Variants in CACNA2D1 observed in about 807,000 individuals in gnomAD.
CACNA2D1 encodes the protein calcium voltage-gated channel auxiliary subunit alpha2delta 1, also known as voltage-dependent calcium channel subunit alpha-2/delta-1.
A neutral mutation model predicts 171.5 loss-of-function variants in CACNA2D1; 53 were observed. The observed-to-expected ratio is 0.31, with a 90% CI of 0.25 to 0.39. The LOEUF is 0.39. Among genes scored for constraint, CACNA2D1 ranks in the 10% least tolerant of loss-of-function variants. CACNA2D1 has a pLI of 1.00. For missense variants in CACNA2D1, 903 were observed against 1,299.8 expected, an observed-to-expected ratio of 0.69 and a Z score of 4.69; for synonymous variants, 442 against 443.1, an observed-to-expected ratio of 1.00 and a Z score of 0.03.
intron 3 of CACNA2D1, 112 bp from the exon 4 acceptor site, chr7:82,170,721 A>G: frequency 1.1e-6 from 1 of 906,466 alleles, no homozygotes; most frequent in Non-Finnish European, 1.8e-6. Context: ...GCAGAAGATG[A>G]TCCTTATTTA....
At chr7:82,342,599 C>A (rs1818807727) in intron 2 of CACNA2D1, among the ~76,000 whole-genome samples, 1 of 151,924 alleles carries the variant, frequency 6.6e-6, no homozygotes. Flanking sequence ...AATAAATACA[C>A]AAATTAAGGT....
intron 18 of CACNA2D1, among the ~76,000 whole-genome samples, chr7:81,999,621 A>G (rs1041414430): frequency 1.3e-5 from 2 of 152,234 alleles, no homozygotes; most frequent in South Asian, 2.1e-4. Context: ...AAACAAAAAT[A>G]AAACAGACCA....
intron 6 of CACNA2D1, among the ~76,000 whole-genome samples, chr7:82,093,943 T>G (rs974083874): frequency 6.6e-6 from 1 of 152,194 alleles, no homozygotes; most frequent in East Asian, 1.9e-4. Context: ...AGAAATTTAG[T>G]GTCTCCATAT....
intron 1 of CACNA2D1, among the ~76,000 whole-genome samples, chr7:82,378,886 T>C (rs1452882575): frequency 4.6e-5 from 7 of 152,056 alleles, no homozygotes; most frequent in African/African-American, 1.7e-4. Context: ...TTTTAAGTTA[T>C]ATTGTTCTTT....
chr7:82,379,108 G>C (rs1033921132), intron 1 of CACNA2D1, among the ~76,000 whole-genome samples: 36 of 151,948 alleles, frequency 2.4e-4, no homozygotes, highest in African/African-American at 8.5e-4. Flanking sequence ...GTGAGAGAGG[G>C]GACTGGGAGA....
At chr7:82,346,627 C>A (rs1344558863) in intron 2 of CACNA2D1, among the ~76,000 whole-genome samples, 2 of 151,738 alleles carry the variant, frequency 1.3e-5, no homozygotes, top group Non-Finnish European at 2.9e-5. Flanking sequence ...GTGCTATCAA[C>A]AGAAATGGGA....
chr7:82,221,894 A>G (rs1357081453), intron 3 of CACNA2D1, among the ~76,000 whole-genome samples: 3 of 152,038 alleles, frequency 2.0e-5, no homozygotes, highest in Non-Finnish European at 4.4e-5. Context: ...ACATGAAGAA[A>G]AAAACTCAGT....
At chr7:82,406,127 A>T (rs1827011003) in intron 1 of CACNA2D1, among the ~76,000 whole-genome samples, 1 of 152,012 alleles carries the variant, frequency 6.6e-6, no homozygotes, top group Non-Finnish European at 1.5e-5. Flanking sequence ...CCTATGAGTG[A>T]GAACATGCGG....
intron 3 of CACNA2D1, among the ~76,000 whole-genome samples, chr7:82,234,103 A>T (rs1414820300): frequency 6.6e-6 from 1 of 152,110 alleles, no homozygotes; most frequent in Non-Finnish European, 1.5e-5. Flanking sequence ...AACATAAAAC[A>T]CTAAACAAAG....
chr7:82,442,731 T>C lies in CACNA2D1; in HGVS notation c.95+634A>G, dbSNP rs76444394. Reference sequence around the variant, plus strand: ...CGCGTGTCTGCCGACACTTAGATGTTTCAAATAATGGGTTGGGGAGGTTGG... The same window carrying C: ...CGCGTGTCTGCCGACACTTAGATGTCTCAAATAATGGGTTGGGGAGGTTGG... On this transcript the variant is annotated intron_variant, in intron 1 of 38. Coordinates refer to ENST00000356860, the MANE Select transcript of CACNA2D1 (RefSeq NM_000722.4). Among the ~76,000 whole-genome samples the C allele has an allele frequency of 1.6e-3, 250 of 152,300 alleles. 6 individuals are homozygous for C. The East Asian group carries it at 0.042, about 25-fold the overall frequency.
intron 30 of CACNA2D1, 97 bp from the exon 31 acceptor site, chr7:81,967,304 C>A: frequency 9.6e-7 from 1 of 1,038,046 alleles, no homozygotes; most frequent in South Asian, 1.4e-5. Context: ...AATAATTTAT[C>A]CAGTAGAAAA....
intron 6 of CACNA2D1, among the ~76,000 whole-genome samples, chr7:82,099,422 C>CTTTTTTTTTTTTTTTTTTTTTTTTTT (rs932080938): frequency 7.4e-5 from 3 of 40,290 alleles, no homozygotes; most frequent in Admixed American, 3.1e-4. Flanking sequence ...GCAATACCTT[C>CTTTTTTTTTTTTTTTTTTTTTTTTTT]TTTTTTTTTT....
chr7:82,183,892 C>T (rs1797394307), intron 3 of CACNA2D1, among the ~76,000 whole-genome samples: 1 of 152,094 alleles, frequency 6.6e-6, no homozygotes, highest in African/African-American at 2.4e-5. Context: ...TCTGCTCCTC[C>T]CACCACCCAC....
chr7:81,971,639 AC>A, intron 26 of CACNA2D1, 137 bp downstream of exon 26: 1 of 642,230 alleles, frequency 1.6e-6, no homozygotes, highest in South Asian at 1.9e-5. Context: ...GTTGTCAACA[AC>A]TGTATAGTGA....
At chr7:82,390,007 G>A (rs762379451) in intron 1 of CACNA2D1, among the ~76,000 whole-genome samples, 48 of 152,250 alleles carry the variant, frequency 3.2e-4, no homozygotes, top group Middle Eastern at 3.4e-3. Flanking sequence ...TCCAGTCTGC[G>A]GAAGTTTCTC....
At chr7:82,222,894 C>T (rs1279753523) in intron 3 of CACNA2D1, among the ~76,000 whole-genome samples, 3 of 146,030 alleles carry the variant, frequency 2.1e-5, no homozygotes, top group Non-Finnish European at 4.5e-5. Context: ...TTTTTTCTTT[C>T]TTTCTTTTTT....
chr7:82,059,985 A>G (rs1460026050), intron 10 of CACNA2D1, among the ~76,000 whole-genome samples: 1 of 39,090 alleles, frequency 2.6e-5, no homozygotes, highest in Non-Finnish European at 4.5e-5. Flanking sequence ...ATCACACACC[A>G]GGGCCTGTTG....
In CACNA2D1 at chr7:82,295,955, T is replaced by C. The variant is rs975160833; in HGVS notation, c.294+39180A>G. Among the ~76,000 whole-genome samples, 6 of 152,096 alleles carry C rather than the reference T, an allele frequency of 3.9e-5. No homozygotes were observed. In the East Asian group the frequency reaches 1.2e-3, roughly 30 times the overall value. On this transcript the variant is annotated intron_variant, in intron 3 of 38. Transcript: ENST00000356860. ...TAAAAAATGATGAGTTCATGTCCTT[T>C]GTAGGGACATGGATGAAATTGGAAA...
At chr7:82,051,733 C>T (rs530638292) in intron 10 of CACNA2D1, among the ~76,000 whole-genome samples, 16 of 152,292 alleles carry the variant, frequency 1.1e-4, no homozygotes, top group African/African-American at 3.8e-4. Flanking sequence ...GTCAAACTCC[C>T]TCACATTCAT....
Sources: allele counts gnomAD v4.1 joint callset (sites outside exome capture counted in the v4.1 genomes callset), GRCh38; gene constraint gnomAD v4.1.1; transcripts MANE v1.5; gene names NCBI Gene and HGNC (gene_info 2026-07-23, HGNC 2026-07-21).